EPB41L2: variants seen among roughly 807,000 people sequenced by gnomAD.
The protein encoded by EPB41L2 is erythrocyte membrane protein band 4.1 like 2.
EPB41L2 carries 43 observed loss-of-function variants against 113.0 expected under a neutral mutation model. The ratio of observed to expected loss-of-function variants is 0.38; its 90% confidence interval spans 0.30 to 0.49. EPB41L2 has a LOEUF of 0.49. Ranked by LOEUF, EPB41L2 falls within the 20% of genes least tolerant of loss-of-function variation. EPB41L2 has a pLI of 0.95. For missense variants in EPB41L2, 1,147 were observed against 1,223.4 expected (o/e 0.94, Z 0.93); for synonymous variants, 442 against 436.7 (o/e 1.01, Z -0.15).
At chr6:130,873,555 T>A (rs1357115564) in intron 14 of EPB41L2, among the ~76,000 whole-genome samples, 2 of 149,468 alleles carry the variant, frequency 1.3e-5, no homozygotes, top group African/African-American at 4.9e-5. Context: ...AACCTCTACC[T>A]CCCAGGTTTA....
intron 3 of EPB41L2, among the ~76,000 whole-genome samples, chr6:130,944,172 T>TACACACACACACAC (rs869217556): frequency 6.4e-5 from 8 of 125,538 alleles, no homozygotes; most frequent in South Asian, 2.6e-4. Flanking sequence ...TACACACACA[T>TACACACACACACAC]ACACACACAC....
chr6:130,952,603 A>G (rs913945798), intron 3 of EPB41L2, among the ~76,000 whole-genome samples: 10 of 152,170 alleles, frequency 6.6e-5, no homozygotes, highest in South Asian at 4.1e-4. Context: ...TCACGAGGTC[A>G]GGTGATCGAG....
chr6:130,995,296 C>T (rs1219596829), intron 1 of EPB41L2, among the ~76,000 whole-genome samples: 1 of 152,026 alleles, frequency 6.6e-6, no homozygotes, highest in African/African-American at 2.4e-5. Flanking sequence ...GATCGCACCA[C>T]AGCACTCCAG....
At chr6:131,056,133 G>A (rs75574001) in intron 1 of EPB41L2, among the ~76,000 whole-genome samples, 7,439 of 152,212 alleles carry the variant, frequency 0.049, 315 homozygotes, top group African/African-American at 0.11. Flanking sequence ...GTTAAAACAC[G>A]ATGTTGCTGG....
chr6:130,846,104 G>C (rs1188397824), intron 19 of EPB41L2, among the ~76,000 whole-genome samples: 2 of 152,164 alleles, frequency 1.3e-5, no homozygotes, highest in African/African-American at 4.8e-5. Context: ...GTGAACATTA[G>C]AATTTGGAAA....
chr6:130,970,806 C>T (rs913165861), intron 1 of EPB41L2, among the ~76,000 whole-genome samples: 17 of 152,150 alleles, frequency 1.1e-4, no homozygotes, highest in Admixed American at 1.1e-3. Context: ...ATTGACAGTA[C>T]CAAACCCAAC....
At chr6:130,903,398 T>TAA (rs35123540) in intron 6 of EPB41L2, among the ~76,000 whole-genome samples, 11,889 of 142,104 alleles carry the variant, frequency 0.084, 956 homozygotes, top group East Asian at 0.39. Context: ...ACAAGTAGTT[T>TAA]AAAAAAAAAA....
intron 4 of EPB41L2, among the ~76,000 whole-genome samples, chr6:130,920,972 T>G (rs1172271261): frequency 8.5e-5 from 13 of 152,310 alleles, no homozygotes. Flanking sequence ...AAGGTCCCTG[T>G]GTAAAAGTCT....
chr6:130,978,445 T>C (rs1168228070), intron 1 of EPB41L2, among the ~76,000 whole-genome samples: 3 of 152,214 alleles, frequency 2.0e-5, no homozygotes, highest in African/African-American at 7.2e-5. Flanking sequence ...TAGCTCTCCA[T>C]AATTTGAGAC....
intron 1 of EPB41L2, among the ~76,000 whole-genome samples, chr6:131,036,139 A>G (rs780170024): frequency 7.9e-5 from 12 of 152,216 alleles, no homozygotes; most frequent in Non-Finnish European, 1.6e-4. Flanking sequence ...GGATGATTAT[A>G]ATCTTCCAGA....
At chr6:130,843,744 C>T (rs1296839128) in intron 19 of EPB41L2, among the ~76,000 whole-genome samples, 1 of 152,160 alleles carries the variant, frequency 6.6e-6, no homozygotes, top group African/African-American at 2.4e-5. Flanking sequence ...TAGTCTATGT[C>T]CCCCTCTTTT....
chr6:130,929,343 T>C (rs185091457), intron 3 of EPB41L2, among the ~76,000 whole-genome samples: 7 of 152,352 alleles, frequency 4.6e-5, no homozygotes, highest in African/African-American at 1.2e-4. Context: ...CTTTTTACTT[T>C]GGATGTTTAT....
rs1786221964 is a variant in EPB41L2, at chr6:131,008,777, G to T, written c.-14-52278C>A. Among the ~76,000 whole-genome samples the T allele has an allele frequency of 3.9e-5, 6 of 152,306 alleles. No individual in the cohort carries two copies. The Middle Eastern group carries it at 0.01, about 259-fold the overall frequency. On this transcript the variant is annotated intron_variant, in intron 1 of 19. Coordinates refer to ENST00000337057, the MANE Select transcript of EPB41L2 (RefSeq NM_001431.4). Reference sequence around the variant, plus strand: ...TTTGGAACTTTAAAGTTTAATTACTGCCCTATTGGATTTCAAACTTAGGTG... The same window carrying T: ...TTTGGAACTTTAAAGTTTAATTACTTCCCTATTGGATTTCAAACTTAGGTG...
At chr6:130,873,164 G>A (rs1271823621) in intron 14 of EPB41L2, among the ~76,000 whole-genome samples, 1 of 152,126 alleles carries the variant, frequency 6.6e-6, no homozygotes, top group East Asian at 1.9e-4. Flanking sequence ...ATGCCACAGA[G>A]TAAATTACCC....
chr6:130,931,879 C>T (rs2128563368), intron 3 of EPB41L2, among the ~76,000 whole-genome samples: 1 of 152,178 alleles, frequency 6.6e-6, no homozygotes, highest in East Asian at 1.9e-4. Context: ...TCACAGTGTC[C>T]TGGGCTTGAC....
intron 3 of EPB41L2, among the ~76,000 whole-genome samples, chr6:130,937,797 CAG>C (rs1210038730): frequency 7.0e-6 from 1 of 142,644 alleles, no homozygotes; most frequent in African/African-American, 2.7e-5. Flanking sequence ...GCCTGGGTGA[CAG>C]AGTGAGACTC....
intron 12 of EPB41L2, chr6:130,883,033 G>C (rs1195911585): frequency 6.5e-6 from 1 of 152,686 alleles, no homozygotes; most frequent in Non-Finnish European, 1.5e-5. Flanking sequence ...TGTCTAGTGT[G>C]ATCTGGTCAG....
At chr6:130,920,869 A>G (rs1802662135) in intron 4 of EPB41L2, among the ~76,000 whole-genome samples, 3 of 152,222 alleles carry the variant, frequency 2.0e-5, no homozygotes, top group East Asian at 1.9e-4. Context: ...TCCCCAATCT[A>G]GCCAACAGCT....
chr6:130,979,896 G>C (rs1215291447), intron 1 of EPB41L2, among the ~76,000 whole-genome samples: 3 of 152,144 alleles, frequency 2.0e-5, no homozygotes, highest in Non-Finnish European at 4.4e-5. Flanking sequence ...GCCAATCAAT[G>C]GTATCAGAGG....
Sources: allele counts gnomAD v4.1 joint callset (sites outside exome capture counted in the v4.1 genomes callset), GRCh38; gene constraint gnomAD v4.1.1; transcripts MANE v1.5; gene names NCBI Gene and HGNC (gene_info 2026-07-23, HGNC 2026-07-21).